Variants in BICD1 observed in about 807,000 individuals in gnomAD.
BICD1 encodes protein bicaudal D homolog 1.
Under a neutral mutation model 92.5 loss-of-function variants are expected in BICD1, and 35 were observed. That is an observed-to-expected ratio of 0.38 (90% CI 0.29 to 0.50). The LOEUF (loss-of-function observed/expected upper bound fraction) is 0.50. BICD1 is among the 20% of genes least tolerant of loss of function. The pLI, the probability that BICD1 is intolerant of heterozygous loss-of-function variation, is 0.93. For synonymous variants in BICD1, 429 were observed against 465.1 expected (o/e 0.92, Z 1.00); for missense variants, 950 against 1,189.8 (o/e 0.80, Z 2.97).
intron 1 of BICD1, among the ~76,000 whole-genome samples, chr12:32,164,727 A>T (rs1339475750): frequency 6.6e-6 from 1 of 152,180 alleles, no homozygotes; most frequent in Non-Finnish European, 1.5e-5. Context: ...CAGCACGTAG[A>T]TAGTTAAAGA....
In BICD1 at chr12:32,293,762, T is replaced by A. The variant is rs1456320841; in HGVS notation, c.427-232T>A. ...TACATGGATTTGTTTCTGTTTCTAT[T>A]TACTTCTATGAAAACATACTTAAGA... On this transcript the variant is annotated intron_variant, in intron 2 of 9. Transcript: ENST00000652176. Among the ~76,000 whole-genome samples the A allele has an allele frequency of 2.6e-5, 4 of 152,364 alleles. No individual in the cohort carries two copies. The East Asian group carries it at 7.7e-4, about 29-fold the overall frequency.
At chr12:32,361,995 G>A (rs1459528300) in intron 8 of BICD1, among the ~76,000 whole-genome samples, 1 of 152,200 alleles carries the variant, frequency 6.6e-6, no homozygotes, top group African/African-American at 2.4e-5. Flanking sequence ...TCTCCTACAT[G>A]AGCTGTTCCT....
chr12:32,257,347 T>G (rs1592568589), intron 2 of BICD1, among the ~76,000 whole-genome samples: 1 of 152,216 alleles, frequency 6.6e-6, no homozygotes, highest in Middle Eastern at 3.4e-3. Context: ...CATATAAAAT[T>G]ATATTTGTTC....
Position 32,249,929 on chromosome 12 carries a change from TGG to T in BICD1, c.426+33473_426+33474del. Among the ~76,000 whole-genome samples, 3 of 151,354 alleles carry T rather than the reference TGG, an allele frequency of 2.0e-5. No individual in the cohort carries two copies. The Admixed American group carries it at 2.0e-4, about 10-fold the overall frequency. ...AAAGGGATTTGATCATAAATGCTTCTGGGGTTGGCATACCAGATCATTTTGAG... is the reference window on the plus strand; with the variant it reads ...AAAGGGATTTGATCATAAATGCTTCTGGTTGGCATACCAGATCATTTTGAG... On this transcript the variant is annotated intron_variant, in intron 2 of 9. Transcript: ENST00000652176.
chr12:32,142,496 A>ATCTATCGG (rs1942975850), intron 1 of BICD1, among the ~76,000 whole-genome samples: 1 of 73,294 alleles, frequency 1.4e-5, no homozygotes, highest in Non-Finnish European at 2.8e-5. Flanking sequence ...CTATTGGTCT[A>ATCTATCGG]TCTATCTAGA....
rs150495417 is a variant in BICD1, at chr12:32,204,851, A to G, written c.214-11396A>G. Among the ~76,000 whole-genome samples, 6 of 152,318 alleles carry G rather than the reference A, an allele frequency of 3.9e-5. No homozygotes were observed. The East Asian group carries it at 1.2e-3, about 29-fold the overall frequency. On this transcript the variant is annotated intron_variant, in intron 1 of 9. Coordinates refer to ENST00000652176, the MANE Select transcript of BICD1 (RefSeq NM_001714.4). ...CTTGGCATCTGTTGAACGCAGTGTGAATTACTAGCTCAAGACACTTCAGTT... is the reference window on the plus strand; with the variant it reads ...CTTGGCATCTGTTGAACGCAGTGTGGATTACTAGCTCAAGACACTTCAGTT...
chr12:32,361,486 G>A (rs1939322469), intron 8 of BICD1, among the ~76,000 whole-genome samples: 1 of 150,308 alleles, frequency 6.7e-6, no homozygotes, highest in Non-Finnish European at 1.5e-5. Context: ...CTGGGAAGTG[G>A]AGTTTGCAAT....
chr12:32,153,892 T>C (rs1943362934), intron 1 of BICD1, among the ~76,000 whole-genome samples: 1 of 151,828 alleles, frequency 6.6e-6, no homozygotes, highest in African/African-American at 2.4e-5. Context: ...CCTCCAATGC[T>C]TGAAATCAGG....
chr12:32,185,294 A>G (rs1450495664), intron 1 of BICD1, among the ~76,000 whole-genome samples: 1 of 152,266 alleles, frequency 6.6e-6, no homozygotes, highest in Non-Finnish European at 1.5e-5. Flanking sequence ...TTATTTCAAA[A>G]GAGCCACATC....
chr12:32,187,263 GACAA>G (rs1944443221), intron 1 of BICD1, among the ~76,000 whole-genome samples: 1 of 152,152 alleles, frequency 6.6e-6, no homozygotes, highest in African/African-American at 2.4e-5. Context: ...AATTTATCAG[GACAA>G]ACAGTTTGCT....
intron 1 of BICD1, among the ~76,000 whole-genome samples, chr12:32,188,394 T>C (rs2121529048): frequency 6.6e-6 from 1 of 152,338 alleles, no homozygotes; most frequent in East Asian, 1.9e-4. Context: ...ATTGAGTTAA[T>C]TATGACAAGG....
At chr12:32,343,677 C>T (rs1344375815) in intron 8 of BICD1, among the ~76,000 whole-genome samples, 1 of 152,174 alleles carries the variant, frequency 6.6e-6, no homozygotes, top group African/African-American at 2.4e-5. Flanking sequence ...TCCATCCCTC[C>T]CTCCTGTCTT....
chr12:32,306,466 G>T (rs535018564), intron 4 of BICD1, among the ~76,000 whole-genome samples: 1 of 151,776 alleles, frequency 6.6e-6, no homozygotes. Flanking sequence ...GGATGGTCTC[G>T]ATCTCCTGAC....
chr12:32,299,021 C>T lies in BICD1; in HGVS notation c.579+4875C>T, dbSNP rs552964659. Among the ~76,000 whole-genome samples the T allele has an allele frequency of 3.3e-5, 5 of 152,200 alleles. No homozygotes were observed. The South Asian group carries it at 1.0e-3, about 32-fold the overall frequency. ...TAGAGACAAAAGATACAGTCACTGG[C>T]TCAAAGAGCTTGTAGTCCCAATAGG... On this transcript the variant is annotated intron_variant, in intron 3 of 9. Coordinates refer to ENST00000652176, the MANE Select transcript of BICD1 (RefSeq NM_001714.4).
intron 3 of BICD1, among the ~76,000 whole-genome samples, chr12:32,301,586 G>A (rs1948047862): frequency 6.6e-6 from 1 of 151,740 alleles, no homozygotes; most frequent in Non-Finnish European, 1.5e-5. Context: ...ACCAGCCTGG[G>A]CAACATGGTA....
At chr12:32,265,099 G>A (rs1449144654) in intron 2 of BICD1, among the ~76,000 whole-genome samples, 3 of 151,732 alleles carry the variant, frequency 2.0e-5, no homozygotes, top group Non-Finnish European at 4.4e-5. Context: ...GAGGCCTCTG[G>A]GGTCTCTGGG....
intron 1 of BICD1, among the ~76,000 whole-genome samples, chr12:32,120,749 A>G (rs183341269): frequency 5.1e-5 from 7 of 137,886 alleles, no homozygotes; most frequent in African/African-American, 1.6e-4. Flanking sequence ...TTTGGCACGC[A>G]TGACCATTTT....
chr12:32,346,338 G>A (rs1398359176), intron 8 of BICD1, among the ~76,000 whole-genome samples: 7 of 150,282 alleles, frequency 4.7e-5, no homozygotes, highest in Non-Finnish European at 1.0e-4. Flanking sequence ...GCATCATGGT[G>A]AAACCCTGTC....
At chr12:32,138,763 T>C (rs1333726383) in intron 1 of BICD1, among the ~76,000 whole-genome samples, 1 of 152,192 alleles carries the variant, frequency 6.6e-6, no homozygotes, top group African/African-American at 2.4e-5. Context: ...AAATGTATTT[T>C]TGACTTATGA....
Sources: gnomAD v4.1 joint callset for allele counts (sites outside exome capture counted in the v4.1 genomes callset) on GRCh38, gnomAD v4.1.1 for gene constraint, MANE v1.5 for transcripts, NCBI Gene and HGNC (gene_info 2026-07-23, HGNC 2026-07-21) for gene names.